PPY: variants seen among roughly 807,000 people sequenced by gnomAD.
PPY encodes pancreatic polypeptide, also known as pancreatic polypeptide prohormone.
In PPY, 6 loss-of-function variants were observed where a neutral mutation model predicts 9.3. The ratio of observed to expected loss-of-function variants is 0.64; its 90% CI spans 0.35 to 1.27. PPY has a LOEUF of 1.27. PPY is among the 50% of genes most tolerant of loss of function. PPY has a pLI of 0.03. For synonymous variants in PPY, 58 were observed against 54.6 expected (o/e 1.06, Z -0.27); for missense variants, 109 against 119.1 (o/e 0.91, Z 0.40).
chr17:43,941,054 C>G (rs926160677), intron 3 of PPY, 89 bp downstream of exon 3: 10 of 1,546,610 alleles, frequency 6.5e-6, no homozygotes, highest in Middle Eastern at 1.7e-4. Context: ...TTCCACCCCC[C>G]ACTACACCTT....
rs1359697928 is a variant in PPY at position 43,941,052 on chromosome 17, C to G, written c.263+91G>C. The G allele has an allele frequency of 4.5e-6, 7 of 1,546,478 alleles. No homozygotes were observed. The Admixed American group carries it at 1.2e-4, about 26-fold the overall frequency. On this transcript the variant is annotated intron_variant, in intron 3 of 3. Transcript: ENST00000225992. ...GGCTCCTGTTCTCCCTCTTCCACCC[C>G]CCACTACACCTTTCCAAGCCCTGAT... is the stretch of plus-strand genomic sequence containing the variant.
At position 43,941,575 on chromosome 17, in the gene PPY, G is replaced by A. The variant is rs1369951004; in HGVS notation, c.80C>T (p.Ala27Val). ...CACTGGCTCCAGTGGGGCTCCCTGG[G>A]CACCCAGCAGTGGCTGTAGTAACAG... ...VALLLQPLLGAQGAPLEPVYP... is the reference protein window; with the variant it reads ...VALLLQPLLGVQGAPLEPVYP... Residue 27 changes from alanine (A) to valine (V), a missense_variant, in exon 2 of 4, where the codon GCC becomes GTC. Ala to Val is a moderately conservative substitution (Grantham distance 64, BLOSUM62 0). Coordinates refer to ENST00000225992, the MANE Select transcript of PPY (RefSeq NM_002722.5). 3.1e-6 allele frequency: 5 copies of A among 1,613,756 alleles called. No individual in the cohort carries two copies. Among genetic ancestry groups the A allele is most frequent in the African/African-American group, 2.7e-5 (2 of 74,916 alleles).
Position 43,942,388 on chromosome 17 carries a change from C to G in PPY, c.-1+33G>C, listed in dbSNP as rs1172381587. On this transcript the variant is annotated intron_variant, in intron 1 of 3. Coordinates refer to ENST00000225992, the MANE Select transcript of PPY (RefSeq NM_002722.5). The surrounding 1 kb of genome is among the most constrained non-coding windows in gnomAD (Gnocchi z 5.3). ...TCCCAGGCCCCAGCCTGGGGGAGGCCCCCAGAGCCCCAGGCAGGCTGAGCC... is the reference window on the plus strand; with the variant it reads ...TCCCAGGCCCCAGCCTGGGGGAGGCGCCCAGAGCCCCAGGCAGGCTGAGCC... 2 of 152,440 alleles carry G rather than the reference C, an allele frequency of 1.3e-5. No individual in the cohort carries two copies. Among genetic ancestry groups the G allele is most frequent in the African/African-American group, 4.8e-5 (2 of 41,472 alleles). 9.4% of individuals were successfully genotyped at this position (152,440 alleles called of 1,614,324 possible).
At chr17:43,941,729 A>C in intron 1 of PPY, 75 bp from the exon 2 acceptor site, 4 of 1,398,716 alleles carry the variant, frequency 2.9e-6, no homozygotes, top group Non-Finnish European at 3.9e-6. Flanking sequence ...GGGCCCAACT[A>C]TCCAGCCCCT....
intron 1 of PPY, among the ~76,000 whole-genome samples, 197 bp from the exon 2 acceptor site, chr17:43,941,851 C>T (rs974378007): frequency 7.2e-5 from 11 of 152,184 alleles, no homozygotes; most frequent in Admixed American, 2.0e-4. Context: ...GACAGCCTGT[C>T]CTGTGAGCAG....
At chr17:43,943,175 A>G (rs1321056462), upstream of PPY, among the ~76,000 whole-genome samples, 1 of 152,176 alleles carries the variant, frequency 6.6e-6, no homozygotes. Context: ...GGGAAGTGCT[A>G]AAAACCAGCT....
At position 43,940,868 on chromosome 17, in the gene PPY, G is replaced by T; in HGVS notation, c.*60C>A. 6.4e-7 allele frequency: 1 copy of T among 1,571,924 alleles called. No homozygotes were observed. The highest frequency in any genetic ancestry group is 8.7e-7 in the Non-Finnish European group (1 of 1,155,962). On this transcript the variant is annotated 3_prime_UTR_variant, in exon 4 of 4. Transcript: ENST00000225992. ...GAGCAAGCTTTGGCCAGAGCCAAGG[G>T]TGCAGAGGGGAGAGCTGGGCTGGCG...
upstream of PPY, among the ~76,000 whole-genome samples, chr17:43,943,768 T>TA (rs890013693): frequency 1.1e-4 from 16 of 150,026 alleles, no homozygotes; most frequent in African/African-American, 3.7e-4. Context: ...AGGGTGGGCT[T>TA]AGAGTCAGAC....
chr17:43,941,428 G>A (rs777166508), intron 2 of PPY, 36 bp downstream of exon 2: 6 of 1,612,602 alleles, frequency 3.7e-6, no homozygotes, highest in African/African-American at 1.3e-5. Context: ...CAGGGTCCCA[G>A]GGGCTGGGAT....
intron 2 of PPY, 118 bp downstream of exon 2, chr17:43,941,346 C>A: frequency 1.3e-6 from 2 of 1,530,022 alleles, no homozygotes; most frequent in Non-Finnish European, 1.8e-6. Flanking sequence ...GCCCTGTTTT[C>A]CCAAGAGCAG....
In PPY at chr17:43,940,850, C is replaced by T. The variant is rs945834266; in HGVS notation, c.*78G>A. ...AGCCTGTGTGGGAGCAGGGAGCAAG[C>T]TTTGGCCAGAGCCAAGGGTGCAGAG... On this transcript the variant is annotated 3_prime_UTR_variant, in exon 4 of 4. Coordinates refer to ENST00000225992, the MANE Select transcript of PPY (RefSeq NM_002722.5). 6.5e-6 allele frequency: 10 copies of T among 1,541,464 alleles called. No homozygotes were observed. The highest frequency in any genetic ancestry group is 8.8e-6 in the Non-Finnish European group (10 of 1,133,658).
At chr17:43,943,712 A>G (rs923712754), upstream of PPY, among the ~76,000 whole-genome samples, 2 of 151,676 alleles carry the variant, frequency 1.3e-5, no homozygotes, top group African/African-American at 4.8e-5. Context: ...GATGGGGGGG[A>G]CTGTTGGGGA....
At position 43,941,182 on chromosome 17, in the gene PPY, G is replaced by A. The variant is rs1248742784; in HGVS notation, c.224C>T (p.Ala75Val). 3 of 1,551,680 alleles carry A rather than the reference G, an allele frequency of 1.9e-6. No homozygotes were observed. Among genetic ancestry groups the A allele is most frequent in the Non-Finnish European group, 2.6e-6 (3 of 1,147,000 alleles). The change falls in exon 3 of 4, where the codon GCC (alanine) becomes GTC (valine). Residue 75 changes from alanine to valine, a missense_variant. Physicochemically the swap from Ala to Val is moderately conservative, Grantham distance 64. Transcript: ENST00000225992. ...YGKRHKEDTL[A>V]FSEWGSPHAA... ...ATGCGGGGACCCCCACTCCGAGAAGGCCAGCGTGTCCTCTTTGTGTCTTTT... is the reference window on the plus strand; with the variant it reads ...ATGCGGGGACCCCCACTCCGAGAAGACCAGCGTGTCCTCTTTGTGTCTTTT...
chr17:43,941,331 C>A, intron 2 of PPY, 117 bp from the exon 3 acceptor site: 1 of 1,509,564 alleles, frequency 6.6e-7, no homozygotes, highest in Non-Finnish European at 9.0e-7. Context: ...CTGTTGAGCA[C>A]AGATGCCCTG....
At chr17:43,941,711 A>C in intron 1 of PPY, 57 bp from the exon 2 acceptor site, 2 of 1,489,612 alleles carry the variant, frequency 1.3e-6, no homozygotes, top group Non-Finnish European at 1.8e-6. Flanking sequence ...TCCCGTGCCC[A>C]GGAAGCAGGG....
rs2048577994 is a variant in PPY at position 43,941,525 on chromosome 17, C to G, written c.130G>C (p.Glu44Gln). 2 of 1,614,056 alleles carry G rather than the reference C, an allele frequency of 1.2e-6. No individual in the cohort carries two copies. The highest frequency in any genetic ancestry group is 1.7e-6 in the Non-Finnish European group (2 of 1,180,006). Residue 44 changes from glutamate (E) to glutamine (Q), a missense_variant, in exon 2 of 4, where the codon GAG becomes CAG. Glu to Gln is a conservative substitution (Grantham distance 29). Transcript: ENST00000225992. ...TCAGCTGCATACTGGGCCATCTGCTCTGGTGTGGCATTGTCCCCTGGGTAC... is the reference window on the plus strand; with the variant it reads ...TCAGCTGCATACTGGGCCATCTGCTGTGGTGTGGCATTGTCCCCTGGGTAC... Reference protein sequence around the residue: ...PVYPGDNATPEQMAQYAADLR... With the variant: ...PVYPGDNATPQQMAQYAADLR...
In PPY at chr17:43,941,313, G is replaced by T. The variant is rs762055230; in HGVS notation, c.192-99C>A. The T allele has an allele frequency of 4.0e-5, 60 of 1,502,068 alleles. 1 individual carries two copies. The Admixed American group carries it at 9.6e-4, about 24-fold the overall frequency. The allele number at this position is 1,502,068 out of a possible 1,614,324, so 93.0% of individuals were successfully genotyped here. A position where few individuals can be genotyped will look rare whatever the true frequency, so the allele number is the denominator to read the frequency against. ...GCACCATCTTGCCCAGGGCACATTG[G>T]TCTAGGCCTGTTGAGCACAGATGCC... On this transcript the variant is annotated intron_variant, in intron 2 of 3. Coordinates refer to ENST00000225992, the MANE Select transcript of PPY (RefSeq NM_002722.5).
chr17:43,943,273 A>G (rs557612378), upstream of PPY, among the ~76,000 whole-genome samples: 4 of 152,262 alleles, frequency 2.6e-5, no homozygotes, highest in South Asian at 8.3e-4. Context: ...CAGATTCAGG[A>G]TCTGAAATCT....
chr17:43,942,670 T>A (rs984332974), upstream of PPY, among the ~76,000 whole-genome samples: 7 of 152,150 alleles, frequency 4.6e-5, no homozygotes, highest in African/African-American at 4.8e-5. This position sits in a 1 kb window ranked among gnomAD's most constrained non-coding sequence, Gnocchi z 5.3. Flanking sequence ...GCATAACAGA[T>A]AAAACTGGAC....
Sources: allele counts gnomAD v4.1 joint callset (sites outside exome capture counted in the v4.1 genomes callset), GRCh38; gene constraint gnomAD v4.1.1; non-coding constraint Gnocchi (gnomAD v3.1); transcripts MANE v1.5; gene names NCBI Gene and HGNC (gene_info 2026-07-23, HGNC 2026-07-21).